Variants in ITPR2 observed in about 807,000 individuals in gnomAD.
ITPR2 encodes inositol 1,4,5-trisphosphate receptor type 2, also known as inositol 1,4,5-trisphosphate-gated calcium channel ITPR2.
ITPR2 carries 207 observed loss-of-function variants against 317.1 expected under a neutral mutation model. The ratio of observed to expected loss-of-function variants is 0.65; its 90% CI spans 0.58 to 0.73. The LOEUF is 0.73. Ranked by LOEUF, ITPR2 falls within the 30% of genes least tolerant of loss-of-function variation. The probability of loss-of-function intolerance (pLI) is 0.00; values close to 1 mark genes in which losing one functional copy is unlikely to be tolerated. For synonymous variants in ITPR2, 1,156 were observed against 1,149.1 expected, an observed-to-expected ratio of 1.01 and a Z score of -0.12; for missense variants, 2,613 against 3,284.0, an observed-to-expected ratio of 0.80 and a Z score of 4.99.
At chr12:26,453,387 T>C (rs75117784) in intron 45 of ITPR2, among the ~76,000 whole-genome samples, 1,803 of 152,316 alleles carry the variant, frequency 0.012, 40 homozygotes, top group African/African-American at 0.041. Flanking sequence ...ATCATTATTG[T>C]AGTGTCCTAG....
intron 55 of ITPR2, among the ~76,000 whole-genome samples, chr12:26,348,668 G>A (rs941817083): frequency 6.6e-6 from 1 of 152,180 alleles, no homozygotes; most frequent in Non-Finnish European, 1.5e-5. Flanking sequence ...AGGTGACAGA[G>A]AAAGGATACA....
At position 26,805,179 on chromosome 12, in the gene ITPR2, T is replaced by C. The variant is rs111483444; in HGVS notation, c.93-14952A>G. 7.3e-3 allele frequency among the ~76,000 whole-genome samples: 1,117 copies of C among 152,314 alleles called. 5 individuals carry two copies. Among genetic ancestry groups the C allele is most frequent in the Non-Finnish European group, 0.012 (792 of 68,034 alleles). On this transcript the variant is annotated intron_variant, in intron 1 of 56. Coordinates refer to ENST00000381340, the MANE Select transcript of ITPR2 (RefSeq NM_002223.4). ...AACAATATATTTTTCTATTTAAGAG[T>C]CTAATATCACAATTGTATCTTTTCC...
chr12:26,665,709 G>C (rs1947610485), intron 14 of ITPR2, among the ~76,000 whole-genome samples: 1 of 152,122 alleles, frequency 6.6e-6, no homozygotes, highest in Admixed American at 6.6e-5. Flanking sequence ...AGCCTGGTGA[G>C]AGACCCTGAG....
chr12:26,512,909 G>A (rs993268158), intron 37 of ITPR2, among the ~76,000 whole-genome samples: 2 of 142,074 alleles, frequency 1.4e-5, no homozygotes, highest in East Asian at 2.0e-4. Context: ...CACAACCTCC[G>A]CCTCCCAGGT....
intron 37 of ITPR2, among the ~76,000 whole-genome samples, chr12:26,532,815 A>G (rs1047165406): frequency 2.0e-5 from 3 of 152,066 alleles, no homozygotes; most frequent in East Asian, 1.9e-4. Flanking sequence ...CCCCCTGAGT[A>G]GCCAGGATTA....
chr12:26,362,644 G>A (rs2880782), intron 55 of ITPR2, among the ~76,000 whole-genome samples: 148,187 of 152,290 alleles, frequency 0.97, 72,238 homozygotes, highest in Non-Finnish European at 1. Flanking sequence ...CTTTAACACC[G>A]TCCTCATAAA....
intron 54 of ITPR2, among the ~76,000 whole-genome samples, chr12:26,397,065 C>T (rs1054312742): frequency 2.6e-5 from 4 of 151,936 alleles, no homozygotes; most frequent in Admixed American, 6.6e-5. Flanking sequence ...GATGAATGAC[C>T]TCCCAAAGCT....
At position 26,338,542 on chromosome 12, in the gene ITPR2, T is replaced by C. The variant is rs1049376; in HGVS notation, c.*855A>G. 0.27 allele frequency: 41,361 copies of C among 152,422 alleles called. 6,252 individuals carry two copies. Among genetic ancestry groups the C allele is most frequent in the East Asian group, 0.52 (2,677 of 5,168 alleles). 9.4% of individuals were successfully genotyped at this position (152,422 alleles called of 1,614,324 possible). A position where few individuals can be genotyped will look rare whatever the true frequency, so the allele number is the denominator to read the frequency against. ...AGTTTCTCAATAATTCCTATCACTT[T>C]TAAGCATTTTCATGTATTAATCTCA... is the stretch of plus-strand genomic sequence containing the variant. On this transcript the variant is annotated 3_prime_UTR_variant, in exon 57 of 57. Transcript: ENST00000381340.
At chr12:26,663,898 C>T (rs2306548) in intron 14 of ITPR2, 52 bp from the exon 15 acceptor site, 257,000 of 1,442,272 alleles carry the variant, frequency 0.18, 26,721 homozygotes, top group East Asian at 0.51. Flanking sequence ...TGTTTTGCAA[C>T]CTTTTTTTTT....
chr12:26,541,331 A>G (rs1488184590), intron 37 of ITPR2, among the ~76,000 whole-genome samples: 2 of 152,080 alleles, frequency 1.3e-5, no homozygotes, highest in African/African-American at 4.8e-5. Flanking sequence ...AAAATAAAAT[A>G]AAATAACACA....
chr12:26,722,934 A>AGGCCAAGAAACTC (rs1948861448), intron 4 of ITPR2, among the ~76,000 whole-genome samples: 2 of 152,170 alleles, frequency 1.3e-5, no homozygotes, highest in Admixed American at 1.3e-4. Context: ...TACTAAAGAA[A>AGGCCAAGAAACTC]GGCCAAGAAA....
chr12:26,494,771 G>GAAAA (rs71069245), intron 38 of ITPR2, among the ~76,000 whole-genome samples: 19,170 of 50,366 alleles, frequency 0.38, 5,852 homozygotes, highest in Non-Finnish European at 0.48. Flanking sequence ...CTCTGCCTCA[G>GAAAA]AAAAAAAAAA....
At chr12:26,522,596 G>C (rs973130775) in intron 37 of ITPR2, among the ~76,000 whole-genome samples, 1 of 152,128 alleles carries the variant, frequency 6.6e-6, no homozygotes, top group African/African-American at 2.4e-5. Context: ...TTTCCCTTTG[G>C]TTAAATGGAA....
intron 13 of ITPR2, among the ~76,000 whole-genome samples, chr12:26,670,656 A>G (rs1266222668): frequency 6.6e-6 from 1 of 152,076 alleles, no homozygotes; most frequent in East Asian, 1.9e-4. Flanking sequence ...TCCTCCTCCA[A>G]AGGAACGCAG....
At chr12:26,431,483 A>G (rs2136709698) in intron 48 of ITPR2, among the ~76,000 whole-genome samples, 1 of 152,274 alleles carries the variant, frequency 6.6e-6, no homozygotes, top group South Asian at 2.1e-4. Flanking sequence ...TAAACAAACA[A>G]ACAGCCACAA....
chr12:26,406,901 A>C (rs1940371890), intron 52 of ITPR2, among the ~76,000 whole-genome samples: 1 of 152,206 alleles, frequency 6.6e-6, no homozygotes, highest in Non-Finnish European at 1.5e-5. Context: ...TGGAAGAAAC[A>C]GTAGATTAAT....
At chr12:26,535,600 A>G (rs960367432) in intron 37 of ITPR2, among the ~76,000 whole-genome samples, 20 of 152,216 alleles carry the variant, frequency 1.3e-4, no homozygotes, top group African/African-American at 4.8e-4. Context: ...TCAGTCAAGT[A>G]CTTGGGGAAG....
intron 35 of ITPR2, among the ~76,000 whole-genome samples, chr12:26,557,066 C>A (rs12825802): frequency 6.6e-6 from 1 of 151,546 alleles, no homozygotes; most frequent in African/African-American, 2.4e-5. Context: ...GTGACAGAGC[C>A]AAACCCTGTC....
intron 2 of ITPR2, among the ~76,000 whole-genome samples, chr12:26,744,619 A>T (rs905168759): frequency 1.3e-5 from 2 of 149,674 alleles, no homozygotes; most frequent in Non-Finnish European, 2.9e-5. Flanking sequence ...ACATACGAAT[A>T]AAAAAAACAT....
Sources: allele counts gnomAD v4.1 joint callset (sites outside exome capture counted in the v4.1 genomes callset), GRCh38; gene constraint gnomAD v4.1.1; transcripts MANE v1.5; gene names NCBI Gene and HGNC (gene_info 2026-07-23, HGNC 2026-07-21).